The following STK10 variants were observed in gnomAD, a reference collection of about 807,000 sequenced individuals.
STK10 encodes the protein serine/threonine-protein kinase 10.
In STK10, 78 loss-of-function variants were observed where a neutral mutation model predicts 113.8. The observed-to-expected ratio is 0.69, with a 90% CI of 0.57 to 0.83. STK10 has a LOEUF of 0.83. Ranked by LOEUF, STK10 falls within the 40% of genes least tolerant of loss-of-function variation. The probability of loss-of-function intolerance (pLI) is 0.00; values close to 1 mark genes in which losing one functional copy is unlikely to be tolerated. For synonymous variants in STK10, 465 were observed against 494.7 expected, an observed-to-expected ratio of 0.94 and a Z score of 0.80; for missense variants, 1,109 against 1,280.1, an observed-to-expected ratio of 0.87 and a Z score of 2.04.
intron 10 of STK10, among the ~76,000 whole-genome samples, chr5:172,087,153 T>G (rs989971471): frequency 6.9e-6 from 1 of 145,384 alleles, no homozygotes; most frequent in Non-Finnish European, 1.5e-5. Context: ...TGTGTGTGTG[T>G]GGTGTATGCA....
chr5:172,138,050 G>T (rs1769903855), intron 2 of STK10, among the ~76,000 whole-genome samples: 1 of 152,118 alleles, frequency 6.6e-6, no homozygotes, highest in South Asian at 2.1e-4. Context: ...AGCACTGAGA[G>T]TCCTAGCCAG....
At chr5:172,100,168 A>G (rs1194276650) in intron 7 of STK10, among the ~76,000 whole-genome samples, 1 of 152,180 alleles carries the variant, frequency 6.6e-6, no homozygotes, top group Non-Finnish European at 1.5e-5. Flanking sequence ...ATGTGTTTAG[A>G]GGCCCATTAG....
intron 10 of STK10, among the ~76,000 whole-genome samples, chr5:172,083,664 T>C (rs564579506): frequency 1.3e-5 from 2 of 152,246 alleles, no homozygotes; most frequent in African/African-American, 4.8e-5. Context: ...TTCCAGCACT[T>C]TGGGAGGCCA....
rs185117131 is a variant in STK10, at chr5:172,150,154, C to T, written c.321+6470G>A. ...GAGGCCCAGGAAAGGAAGCTCATCT[C>T]GGGTCACACAGCCAGTTGGTCCCAG... On this transcript the variant is annotated intron_variant, in intron 2 of 18. Transcript: ENST00000176763. 4.4e-3 allele frequency among the ~76,000 whole-genome samples: 672 copies of T among 151,700 alleles called. 5 individuals are homozygous for T. Among genetic ancestry groups the T allele is most frequent in the African/African-American group, 0.015 (617 of 41,350 alleles).
intron 18 of STK10, among the ~76,000 whole-genome samples, chr5:172,050,313 C>T (rs910936027): frequency 2.6e-4 from 39 of 152,182 alleles, no homozygotes; most frequent in Non-Finnish European, 8.8e-5. Flanking sequence ...AGATCCTGTT[C>T]TTGTGCCTGG....
At chr5:172,117,991 C>T (rs183367873) in intron 3 of STK10, among the ~76,000 whole-genome samples, 5 of 128,526 alleles carry the variant, frequency 3.9e-5, no homozygotes, top group Admixed American at 9.3e-5. Flanking sequence ...CCAGCCTGTG[C>T]GACAGTGATA....
intron 2 of STK10, among the ~76,000 whole-genome samples, chr5:172,144,263 G>A (rs1056183473): frequency 6.6e-6 from 1 of 152,240 alleles, no homozygotes; most frequent in Non-Finnish European, 1.5e-5. Flanking sequence ...CCACGGGCAA[G>A]CTGCTTTCCC....
chr5:172,061,073 T>C lies in STK10; in HGVS notation c.2212+66A>G, dbSNP rs992952108. 5.2e-5 allele frequency: 78 copies of C among 1,509,734 alleles called. No homozygotes were observed. The African/African-American group carries it at 1.1e-3, about 21-fold the overall frequency. The allele number at this position is 1,509,734 out of a possible 1,614,324, so 93.5% of individuals were successfully genotyped here. On this transcript the variant is annotated intron_variant, in intron 14 of 18. Coordinates refer to ENST00000176763, the MANE Select transcript of STK10 (RefSeq NM_005990.4). ...GGGAGGTTCTTGTTGCCCACCCCAC[T>C]TCCCAGGGCTGGGATGTCCACAGCG... is the stretch of plus-strand genomic sequence containing the variant.
chr5:172,128,330 C>T (rs1214314919), intron 2 of STK10, among the ~76,000 whole-genome samples: 1 of 141,362 alleles, frequency 7.1e-6, no homozygotes. Context: ...TTTTTCTTTT[C>T]TTTCTTCTTT....
chr5:172,168,513 C>T (rs545671722), intron 1 of STK10, among the ~76,000 whole-genome samples: 21 of 152,304 alleles, frequency 1.4e-4, no homozygotes, highest in Admixed American at 7.8e-4. Flanking sequence ...GAGCCTTATG[C>T]ACCACGGGCC....
intron 10 of STK10, among the ~76,000 whole-genome samples, chr5:172,089,431 T>C (rs1017370719): frequency 6.6e-6 from 1 of 151,564 alleles, no homozygotes; most frequent in African/African-American, 2.4e-5. Flanking sequence ...GATGGATGGA[T>C]GGATGGATGG....
In STK10 at chr5:172,042,400, C is replaced by T. The variant is rs542320436; in HGVS notation, c.*2482G>A. 1 of 152,770 alleles carries T rather than the reference C, an allele frequency of 6.5e-6. No homozygotes were observed. The highest frequency in any genetic ancestry group is 1.5e-5 in the Non-Finnish European group (1 of 68,044). 9.5% of individuals were successfully genotyped at this position (152,770 alleles called of 1,614,324 possible). ...CCCCATCCAGAAAAGCACAGGGGAG[C>T]TCTGAGGGCTCAGGCGGCACTGAGC... On this transcript the variant is annotated 3_prime_UTR_variant, in exon 19 of 19. Coordinates refer to ENST00000176763, the MANE Select transcript of STK10 (RefSeq NM_005990.4).
intron 2 of STK10, among the ~76,000 whole-genome samples, chr5:172,147,564 T>C (rs919154658): frequency 1.3e-5 from 2 of 152,158 alleles, no homozygotes; most frequent in East Asian, 1.9e-4. Context: ...GCTAATCTTT[T>C]TGTATTTTCA....
intron 4 of STK10, 29 bp from the exon 5 acceptor site, chr5:172,107,881 TC>T (rs766125947): frequency 3.0e-5 from 48 of 1,610,952 alleles, no homozygotes; most frequent in South Asian, 1.2e-4. Flanking sequence ...GCTAGCGTTT[TC>T]CACCCATAGC....
Position 172,044,778 on chromosome 5 carries a change from C to A in STK10, c.*104G>T. 6.3e-7 allele frequency: 1 copy of A among 1,584,622 alleles called. No individual in the cohort carries two copies. The highest frequency in any genetic ancestry group is 8.6e-7 in the Non-Finnish European group (1 of 1,163,116). ...GGGCGAGGGGCTGGATTTGAGCTGG[C>A]ACAGACGCAAGAGGGAAAAGGGGTC... On this transcript the variant is annotated 3_prime_UTR_variant, in exon 19 of 19. Transcript: ENST00000176763. This position sits in a 1 kb window ranked among gnomAD's most constrained non-coding sequence, Gnocchi z 4.5.
At chr5:172,111,027 G>A (rs996209222) in intron 4 of STK10, among the ~76,000 whole-genome samples, 4 of 152,132 alleles carry the variant, frequency 2.6e-5, no homozygotes, top group Admixed American at 1.3e-4. Context: ...CAGCAAGAGG[G>A]GACAGGGGGC....
At chr5:172,050,490 G>A (rs934235875) in intron 18 of STK10, among the ~76,000 whole-genome samples, 9 of 152,114 alleles carry the variant, frequency 5.9e-5, no homozygotes, top group African/African-American at 7.2e-5. Context: ...CCAGGTAGTC[G>A]AAATGAGCCT....
rs201304022 is a variant in STK10 at position 172,044,955 on chromosome 5, G to A, written c.2834C>T (p.Ala945Val). Residue 945 changes from alanine (A) to valine (V), a missense_variant, in exon 19 of 19, where the codon GCG (alanine) becomes GTG (valine). By Grantham distance (64) the Ala-to-Val change is moderately conservative (BLOSUM62 0). Around this residue, in one of 5 missense-constraint regions of STK10, gnomAD observed 885 missense variants for 991.1 expected, o/e 0.89. Coordinates refer to ENST00000176763, the MANE Select transcript of STK10 (RefSeq NM_005990.4). This position sits in a 1 kb window ranked among gnomAD's most constrained non-coding sequence, Gnocchi z 4.5. Reference protein sequence around the residue: ...QEMFFKLSEEAECPNPSTPSK... With the variant: ...QEMFFKLSEEVECPNPSTPSK... ...TGGGGTGGAGGGGTTTGGGCACTCC[G>A]CCTCCTCGCTCAGCTTGAAGAACAT... 3.7e-6 allele frequency: 6 copies of A among 1,614,056 alleles called. No individual in the cohort carries two copies. The highest frequency in any genetic ancestry group is 1.3e-5 in the African/African-American group (1 of 74,918).
chr5:172,147,619 T>C (rs1770112597), intron 2 of STK10, among the ~76,000 whole-genome samples: 1 of 152,146 alleles, frequency 6.6e-6, no homozygotes, highest in East Asian at 1.9e-4. Flanking sequence ...GTCTCGAACT[T>C]CTGACCTCGT....
Sources: gnomAD v4.1 joint callset for allele counts (sites outside exome capture counted in the v4.1 genomes callset) on GRCh38, gnomAD v4.1.1 for gene constraint, gnomAD v4.1.1 regional missense constraint, Gnocchi (gnomAD v3.1) non-coding constraint, MANE v1.5 for transcripts, NCBI Gene and HGNC (gene_info 2026-07-23, HGNC 2026-07-21) for gene names.